Variants in U2SURP observed in about 807,000 individuals in gnomAD.
U2SURP encodes U2 snRNP-associated SURP motif-containing protein.
In U2SURP, 9 loss-of-function variants were observed where a neutral mutation model predicts 144.9. The ratio of observed to expected loss-of-function variants is 0.06; its 90% CI spans 0.04 to 0.11. The LOEUF is 0.11. U2SURP is among the 10% of genes least tolerant of loss of function. The pLI, the probability that U2SURP is intolerant of heterozygous loss-of-function variation, is 1.00. For synonymous variants in U2SURP, 408 were observed against 396.8 expected, an observed-to-expected ratio of 1.03 and a Z score of -0.33; for missense variants, 724 against 1,226.7, an observed-to-expected ratio of 0.59 and a Z score of 6.12.
At chr3:143,032,317 T>G (rs762104271) in intron 16 of U2SURP, among the ~76,000 whole-genome samples, 74 of 152,188 alleles carry the variant, frequency 4.9e-4, no homozygotes, top group Admixed American at 1.3e-3. Context: ...GTGATCCGCC[T>G]ACCTTGGCCT....
intron 12 of U2SURP, 126 bp downstream of exon 12, chr3:143,023,190 A>T: frequency 1.3e-6 from 1 of 798,790 alleles, no homozygotes; most frequent in Admixed American, 3.0e-5. Context: ...TAAAGAAATA[A>T]GTAGATGTGT....
chr3:143,032,850 A>C lies in U2SURP; in HGVS notation c.1677A>C (p.Ala559=), dbSNP rs756097078. The part of the protein sequence containing the change: ...LTPRKNDIGD[A]MVFCLNNAEA... ...CAAGGAAAAATGATATTGGAGATGC[A>C]ATGGTTTTCTGTCTTAATAATGCTG... The change falls in exon 17 of 28, where the codon GCA becomes GCC. Residue 559 remains alanine (A), a synonymous_variant. Coordinates refer to ENST00000473835, the MANE Select transcript of U2SURP (RefSeq NM_001080415.2). The C allele has an allele frequency of 1.2e-5, 19 of 1,613,568 alleles. No individual in the cohort carries two copies. In the East Asian group the frequency reaches 3.1e-4, roughly 27 times the overall value.
intron 23 of U2SURP, among the ~76,000 whole-genome samples, chr3:143,039,787 G>A (rs1934006419): frequency 6.6e-6 from 1 of 151,764 alleles, no homozygotes; most frequent in African/African-American, 2.4e-5. Flanking sequence ...CATTTGGATT[G>A]TTGGGAAAAT....
At chr3:143,012,058 TAAG>T in intron 2 of U2SURP, 161 bp from the exon 3 acceptor site, 1 of 889,606 alleles carries the variant, frequency 1.1e-6, no homozygotes, top group South Asian at 1.4e-5. Context: ...TCCCTGTTCT[TAAG>T]AACTTTTTTG....
chr3:143,015,393 A>C (rs923898050), intron 4 of U2SURP, among the ~76,000 whole-genome samples: 3 of 151,592 alleles, frequency 2.0e-5, no homozygotes, highest in Non-Finnish European at 2.9e-5. Flanking sequence ...ACTATTGTAC[A>C]ATCAGATTTA....
Position 143,056,489 on chromosome 3 carries a change from ATTTGT to A in U2SURP, c.*45_*49del, listed in dbSNP as rs1224920245. ...GATGCTGTCACTTATTGGAAATGCG[ATTTGT>A]TTTGTGCCTGAACGGTCTGTTTTTT... is the stretch of plus-strand genomic sequence containing the variant. On this transcript the variant is annotated 3_prime_UTR_variant, in exon 28 of 28. Transcript: ENST00000473835. 2 of 1,605,428 alleles carry A rather than the reference ATTTGT, an allele frequency of 1.2e-6. No individual in the cohort carries two copies. Among genetic ancestry groups the A allele is most frequent in the African/African-American group, 1.3e-5 (1 of 74,296 alleles).
chr3:143,045,366 CAAAAA>C (rs11356372), intron 24 of U2SURP, among the ~76,000 whole-genome samples: 11 of 75,416 alleles, frequency 1.5e-4, no homozygotes, highest in African/African-American at 4.7e-4. Flanking sequence ...GAGACGCCGT[CAAAAA>C]AAAAAAAAAA....
At chr3:143,051,448 G>T (rs1458361890) in intron 25 of U2SURP, among the ~76,000 whole-genome samples, 2 of 151,990 alleles carry the variant, frequency 1.3e-5, no homozygotes, top group Non-Finnish European at 1.5e-5. Flanking sequence ...CATTTCTCAT[G>T]GTTTCCAGGG....
rs118156431 is a variant in U2SURP, at chr3:143,030,553, G to T, written c.1610+1907G>T. Reference sequence around the variant, plus strand: ...GATCTCTGATGGAGATGTGCAAAGAGATTAAGTTGTTTTCATGCCTGTTAA... The same window carrying T: ...GATCTCTGATGGAGATGTGCAAAGATATTAAGTTGTTTTCATGCCTGTTAA... On this transcript the variant is annotated intron_variant, in intron 16 of 27. Coordinates refer to ENST00000473835, the MANE Select transcript of U2SURP (RefSeq NM_001080415.2). Among the ~76,000 whole-genome samples, 173 of 152,298 alleles carry T rather than the reference G, an allele frequency of 1.1e-3. 2 individuals are homozygous for T. The East Asian group carries it at 0.029, about 26-fold the overall frequency.
At chr3:143,018,588 G>A (rs1936493572) in intron 6 of U2SURP, among the ~76,000 whole-genome samples, 1 of 151,778 alleles carries the variant, frequency 6.6e-6, no homozygotes, top group Non-Finnish European at 1.5e-5. Flanking sequence ...CCGAGAAGTG[G>A]AATTGCTGGG....
chr3:143,037,805 G>A (rs1933892650), intron 21 of U2SURP, among the ~76,000 whole-genome samples: 1 of 152,098 alleles, frequency 6.6e-6, no homozygotes, highest in Non-Finnish European at 1.5e-5. Flanking sequence ...ATTGAATAAT[G>A]TATGCAGTTT....
At chr3:143,033,090 T>A (rs1221746728) in intron 17 of U2SURP, 144 bp downstream of exon 17, 23 of 1,018,054 alleles carry the variant, frequency 2.3e-5, no homozygotes, top group Admixed American at 1.7e-4. Flanking sequence ...TTAGGTTCAT[T>A]AACATACAAG....
intron 13 of U2SURP, among the ~76,000 whole-genome samples, chr3:143,024,269 A>G (rs1560186158): frequency 6.6e-6 from 1 of 152,132 alleles, no homozygotes; most frequent in Non-Finnish European, 1.5e-5. Flanking sequence ...GAGTGTATTT[A>G]TTAGCTCTGA....
At chr3:143,020,076 T>C (rs2108281679) in intron 7 of U2SURP, 40 bp downstream of exon 7, 1 of 1,275,150 alleles carries the variant, frequency 7.8e-7, no homozygotes, top group East Asian at 2.6e-5. Context: ...CATAGGTGTA[T>C]TGAGCTGATA....
At chr3:143,043,717 GTA>G (rs5853088) in intron 24 of U2SURP, among the ~76,000 whole-genome samples, 33,020 of 147,174 alleles carry the variant, frequency 0.22, 4,048 homozygotes, top group East Asian at 0.43. Context: ...TAGATTATAT[GTA>G]TATATATATA....
chr3:143,014,207 AAAAAC>A, intron 3 of U2SURP, 99 bp from the exon 4 acceptor site: 1 of 633,638 alleles, frequency 1.6e-6, no homozygotes, highest in Non-Finnish European at 2.5e-6. Flanking sequence ...AAATTTAAAA[AAAAAC>A]GGCAGTCTAT....
chr3:143,009,325 C>T (rs1965398), intron 1 of U2SURP, among the ~76,000 whole-genome samples: 7,170 of 152,054 alleles, frequency 0.047, 249 homozygotes, highest in Middle Eastern at 0.1. Context: ...GGGCCGGGTG[C>T]GGTCGCTCAT....
intron 19 of U2SURP, 113 bp downstream of exon 19, chr3:143,035,088 G>T: frequency 2.0e-6 from 1 of 507,750 alleles, no homozygotes; most frequent in Non-Finnish European, 3.3e-6. Flanking sequence ...TTAAAACTTA[G>T]ATGTTACAGA....
chr3:143,022,708 T>A, intron 11 of U2SURP, 46 bp downstream of exon 11: 9 of 1,550,460 alleles, frequency 5.8e-6, no homozygotes, highest in Non-Finnish European at 7.8e-6. Context: ...GATATTTCTT[T>A]GGTTTGGAAA....
Sources: gnomAD v4.1 joint callset for allele counts (sites outside exome capture counted in the v4.1 genomes callset) on GRCh38, gnomAD v4.1.1 for gene constraint, MANE v1.5 for transcripts, NCBI Gene and HGNC (gene_info 2026-07-23, HGNC 2026-07-21) for gene names.